The following SMIM23 variants were observed in gnomAD, a reference collection of about 807,000 sequenced individuals.
SMIM23 encodes the protein small integral membrane protein 23, also known as CTB-78H18.1.
In SMIM23, 10 loss-of-function variants were observed where a neutral mutation model predicts 12.8. The ratio of observed to expected loss-of-function variants is 0.78; its 90% CI spans 0.48 to 1.32. SMIM23 has a LOEUF of 1.32. Ranked by LOEUF, SMIM23 falls within the 40% of genes most tolerant of loss-of-function variation. The pLI is 0.00. For synonymous variants in SMIM23, 78 were observed against 80.1 expected (o/e 0.97, Z 0.14); for missense variants, 184 against 198.2 (o/e 0.93, Z 0.43).
rs1256836721 is a variant in SMIM23, at chr5:171,790,278, T to C, written c.154T>C (p.Trp52Arg). The change falls in exon 2 of 4, where the codon TGG becomes CGG. Residue 52 changes from tryptophan (W) to arginine (R), a missense_variant. Physicochemically the swap from Trp to Arg is moderately radical, Grantham distance 101 (BLOSUM62 -3). Transcript: ENST00000523047. ...ILVLYLSTEIWGSSWEVSERI... is the reference protein window; with the variant it reads ...ILVLYLSTEIRGSSWEVSERI... ...GGTGCTGTACTTGAGCACAGAGATA[T>C]GGGGTGAGCATTCTGGAATCTGAGA... 3.9e-6 allele frequency: 6 copies of C among 1,535,990 alleles called. No homozygotes were observed. In the East Asian group the frequency reaches 9.8e-5, roughly 25 times the overall value.
upstream of SMIM23, among the ~76,000 whole-genome samples, chr5:171,778,308 G>C (rs1044224910): frequency 2.0e-5 from 3 of 150,554 alleles, no homozygotes; most frequent in Non-Finnish European, 4.4e-5. Context: ...AGTGAGCTGA[G>C]ATCATGCCAT....
At chr5:171,790,310 G>T (rs74834055) in intron 2 of SMIM23, 29 bp downstream of exon 2, 1 of 1,535,554 alleles carries the variant, frequency 6.5e-7, no homozygotes, top group Non-Finnish European at 8.7e-7. Context: ...GAGAAAGAAG[G>T]AACCAAATCC....
chr5:171,775,107 C>T, the SMIM23 span, among the ~76,000 whole-genome samples: 4 of 152,204 alleles, frequency 2.6e-5, no homozygotes, highest in Admixed American at 6.5e-5. Context: ...TCCAGATGCT[C>T]GCCCTCCACC....
upstream of SMIM23, among the ~76,000 whole-genome samples, chr5:171,780,184 C>A (rs1374180221): frequency 6.6e-6 from 1 of 152,108 alleles, no homozygotes; most frequent in East Asian, 1.9e-4. Flanking sequence ...ATTAGTTATT[C>A]CCCTGGAAAT....
At chr5:171,775,835 T>C in the SMIM23 span, among the ~76,000 whole-genome samples, 5 of 152,112 alleles carry the variant, frequency 3.3e-5, no homozygotes, top group African/African-American at 4.8e-5. Flanking sequence ...TATCTTTTTT[T>C]CCCTTACGAC....
chr5:171,788,959 C>G (rs1362755476), intron 1 of SMIM23, among the ~76,000 whole-genome samples: 1 of 152,234 alleles, frequency 6.6e-6, no homozygotes, highest in East Asian at 1.9e-4. Context: ...CCTGCCTCAG[C>G]CTCCCGAGTA....
chr5:171,786,533 T>G (rs1755820334), intron 1 of SMIM23, among the ~76,000 whole-genome samples: 1 of 152,174 alleles, frequency 6.6e-6, no homozygotes, highest in African/African-American at 2.4e-5. Context: ...CCATCTGATT[T>G]TAGAACTCCC....
intron 1 of SMIM23, among the ~76,000 whole-genome samples, chr5:171,787,754 G>A (rs775722949): frequency 3.3e-5 from 5 of 152,226 alleles, no homozygotes; most frequent in Admixed American, 6.5e-5. Context: ...AGGCTCTTTT[G>A]GGGCTCCGCC....
upstream of SMIM23, among the ~76,000 whole-genome samples, chr5:171,781,681 T>C (rs182115740): frequency 6.6e-6 from 1 of 152,286 alleles, no homozygotes; most frequent in Admixed American, 6.5e-5. Flanking sequence ...ATAATAAAGA[T>C]ATGCAGAAAA....
chr5:171,787,925 G>A (rs956326642), intron 1 of SMIM23, among the ~76,000 whole-genome samples: 1 of 151,678 alleles, frequency 6.6e-6, no homozygotes, highest in African/African-American at 2.4e-5. Context: ...ACCAGTTGTT[G>A]CTATGTAACA....
At chr5:171,774,972 G>A in the SMIM23 span, among the ~76,000 whole-genome samples, 1 of 152,148 alleles carries the variant, frequency 6.6e-6, no homozygotes, top group African/African-American at 2.4e-5. Context: ...AAGGGATGCC[G>A]GGCCTCTGGT....
Position 171,790,957 on chromosome 5 carries a change from G to A in SMIM23, c.388G>A (p.Gly130Arg), listed in dbSNP as rs1055394176. 3 of 1,535,922 alleles carry A rather than the reference G, an allele frequency of 2.0e-6. No individual in the cohort carries two copies. Among genetic ancestry groups the A allele is most frequent in the African/African-American group, 2.7e-5 (2 of 73,018 alleles). Reference sequence around the variant, plus strand: ...GGAACTGTGGCTGGATGCTCTTCTGGGAGAGCCACACCAGGAGGAGCACTG... The same window carrying A: ...GGAACTGTGGCTGGATGCTCTTCTGAGAGAGCCACACCAGGAGGAGCACTG... The part of the protein sequence containing the change: ...DLELWLDALL[G>R]EPHQEEHCST... Residue 130 changes from glycine to arginine, a missense_variant, in exon 4 of 4, where the codon GGA (glycine) becomes AGA (arginine). Transcript: ENST00000523047.
At chr5:171,780,119 C>T (rs1205610096), upstream of SMIM23, among the ~76,000 whole-genome samples, 1 of 152,128 alleles carries the variant, frequency 6.6e-6, no homozygotes, top group East Asian at 1.9e-4. Context: ...TTGGTCTCCA[C>T]TTATTAGGTT....
At chr5:171,773,950 C>A in the SMIM23 span, 2 of 412,460 alleles carry the variant, frequency 4.8e-6, no homozygotes, top group Admixed American at 5.9e-5. Context: ...TCATGCCAGG[C>A]CTTGAATGGT....
chr5:171,784,839 A>G (rs1755786328), upstream of SMIM23, among the ~76,000 whole-genome samples: 1 of 152,220 alleles, frequency 6.6e-6, no homozygotes, highest in South Asian at 2.1e-4. Context: ...ACAAAATACT[A>G]CACAGCAGTC....
chr5:171,781,401 G>A (rs1022259811), upstream of SMIM23, among the ~76,000 whole-genome samples: 3 of 152,180 alleles, frequency 2.0e-5, no homozygotes, highest in Non-Finnish European at 4.4e-5. Context: ...GGGGCAGCTA[G>A]CCTTCCCCAG....
At chr5:171,775,648 T>C in the SMIM23 span, among the ~76,000 whole-genome samples, 1 of 152,276 alleles carries the variant, frequency 6.6e-6, no homozygotes, top group East Asian at 1.9e-4. Flanking sequence ...CAATGTCCCT[T>C]AGCCTCAGTT....
chr5:171,773,428 T>A, the SMIM23 span, among the ~76,000 whole-genome samples: 2 of 44,716 alleles, frequency 4.5e-5, no homozygotes, highest in Non-Finnish European at 8.3e-5. Flanking sequence ...GCCCCCTGTC[T>A]AGGGCTGCTT....
rs531780989 is a variant in SMIM23 at position 171,788,597 on chromosome 5, T to C, written c.106-1633T>C. On this transcript the variant is annotated intron_variant, in intron 1 of 3. Coordinates refer to ENST00000523047, the MANE Select transcript of SMIM23 (RefSeq NM_001289970.2). ...TTAGGAACAATTTGATGCCAATACA[T>C]TTAACTTAGGTGAAATGGACAAATC... 1.7e-4 allele frequency among the ~76,000 whole-genome samples: 26 copies of C among 152,268 alleles called. No individual in the cohort carries two copies. The South Asian group carries it at 5.2e-3, about 30-fold the overall frequency.
Sources: gnomAD v4.1 joint callset for allele counts (sites outside exome capture counted in the v4.1 genomes callset) on GRCh38, gnomAD v4.1.1 for gene constraint, MANE v1.5 for transcripts, NCBI Gene and HGNC (gene_info 2026-07-23, HGNC 2026-07-21) for gene names.